Variants in URB1 observed in about 807,000 individuals in gnomAD.
The protein encoded by URB1 is nucleolar pre-ribosomal-associated protein 1.
URB1 carries 197 observed loss-of-function variants against 242.3 expected under a neutral mutation model. That is an observed-to-expected ratio of 0.81 (90% CI 0.72 to 0.91). URB1 has a LOEUF of 0.91. Ranked by LOEUF, URB1 falls within the 40% of genes least tolerant of loss-of-function variation. The pLI is 0.00. For missense variants in URB1, 2,721 were observed against 2,860.5 expected (o/e 0.95, Z 1.11); for synonymous variants, 1,153 against 1,201.8 (o/e 0.96, Z 0.84).
At chr21:32,340,571 C>A (rs2033018640) in intron 25 of URB1, among the ~76,000 whole-genome samples, 1 of 152,174 alleles carries the variant, frequency 6.6e-6, no homozygotes, top group Admixed American at 6.5e-5. Flanking sequence ...CGAGATCACA[C>A]CATTGTACTC....
At chr21:32,384,886 C>G (rs961316622) in intron 2 of URB1, among the ~76,000 whole-genome samples, 1 of 152,136 alleles carries the variant, frequency 6.6e-6, no homozygotes, top group Non-Finnish European at 1.5e-5. Context: ...GAGGCTGAGG[C>G]AGGAGAATGG....
chr21:32,354,726 C>T, intron 17 of URB1, 133 bp downstream of exon 17: 3 of 1,179,502 alleles, frequency 2.5e-6, no homozygotes, highest in South Asian at 1.9e-5. Flanking sequence ...CCAGAACAGG[C>T]TGGTCTTTGC....
At position 32,347,446 on chromosome 21, in the gene URB1, G is replaced by A; in HGVS notation, c.3378C>T (p.Ala1126=). 6.4e-7 allele frequency: 1 copy of A among 1,551,134 alleles called. No homozygotes were observed. Among genetic ancestry groups the A allele is most frequent in the South Asian group, 1.2e-5 (1 of 84,004 alleles). Residue 1126 remains alanine, a synonymous_variant, in exon 22 of 39, where the codon GCC becomes GCT. Coordinates refer to ENST00000382751, the MANE Select transcript of URB1 (RefSeq NM_014825.3). ...EGAQLREVTL[A]LLSLPETHLV... ...GGTGTGTCTCAGGCAGGCTCAGCAAGGCCAGGGTGACCTCACGGAGCTGGG... is the reference window on the plus strand; with the variant it reads ...GGTGTGTCTCAGGCAGGCTCAGCAAAGCCAGGGTGACCTCACGGAGCTGGG...
intron 4 of URB1, among the ~76,000 whole-genome samples, 200 bp downstream of exon 4, chr21:32,383,222 C>A (rs575607366): frequency 3.9e-5 from 6 of 152,242 alleles, no homozygotes; most frequent in Non-Finnish European, 8.8e-5. Context: ...CAGGCTCTGC[C>A]AGGTTCTGGC....
intron 30 of URB1, among the ~76,000 whole-genome samples, chr21:32,332,671 A>C (rs2032910691): frequency 6.6e-6 from 1 of 152,022 alleles, no homozygotes; most frequent in African/African-American, 2.4e-5. Flanking sequence ...TTCACCAAAG[A>C]GGATGTGCAG....
chr21:32,320,942 C>T (rs1223639152), intron 34 of URB1, among the ~76,000 whole-genome samples: 2 of 152,188 alleles, frequency 1.3e-5, no homozygotes, highest in African/African-American at 2.4e-5. Flanking sequence ...GGCCCAGATG[C>T]GCAGCCACCG....
chr21:32,367,685 C>T (rs940577112), intron 9 of URB1, among the ~76,000 whole-genome samples: 1 of 152,252 alleles, frequency 6.6e-6, no homozygotes, highest in Admixed American at 6.5e-5. Context: ...CAACGTTCCA[C>T]AGCTTATTTC....
chr21:32,318,437 T>C (rs1320415991), intron 36 of URB1, among the ~76,000 whole-genome samples: 1 of 152,228 alleles, frequency 6.6e-6, no homozygotes, highest in African/African-American at 2.4e-5. Context: ...GTATTTTAAA[T>C]AGCAACTGGT....
chr21:32,334,030 T>C (rs747149574), intron 29 of URB1, 133 bp downstream of exon 29: 12 of 1,191,758 alleles, frequency 1.0e-5, no homozygotes, highest in South Asian at 1.6e-5. Context: ...GTCTGGTCTC[T>C]ATACCTTTAT....
At chr21:32,338,524 C>A (rs554822854) in intron 26 of URB1, among the ~76,000 whole-genome samples, 183 bp downstream of exon 26, 329 of 152,246 alleles carry the variant, frequency 2.2e-3, no homozygotes, top group Non-Finnish European at 4.1e-3. Context: ...TGCTGTTTGA[C>A]CACAAGTCAG....
At chr21:32,317,600 G>A (rs2032707280) in intron 37 of URB1, 76 bp downstream of exon 37, 3 of 1,498,440 alleles carry the variant, frequency 2.0e-6, no homozygotes, top group Non-Finnish European at 2.7e-6. Context: ...CTGAGAGACA[G>A]AGAGAGAGGG....
chr21:32,351,018 C>A, intron 19 of URB1, 96 bp from the exon 20 acceptor site: 1 of 1,219,054 alleles, frequency 8.2e-7, no homozygotes, highest in South Asian at 1.4e-5. Context: ...ACGGACATTT[C>A]ACAAAGAAGC....
chr21:32,372,065 T>C (rs2123611308), intron 8 of URB1, among the ~76,000 whole-genome samples: 1 of 152,328 alleles, frequency 6.6e-6, no homozygotes, highest in East Asian at 1.9e-4. Context: ...TGGATTCCAG[T>C]GCAACCTCTG....
rs145594653 is a variant in URB1, at chr21:32,356,491, T to C, written c.1990-926A>G. Among the ~76,000 whole-genome samples, 69 of 152,244 alleles carry C rather than the reference T, an allele frequency of 4.5e-4. No homozygotes were observed. In the East Asian group the frequency reaches 0.013, roughly 28 times the overall value. On this transcript the variant is annotated intron_variant, in intron 15 of 38. Coordinates refer to ENST00000382751, the MANE Select transcript of URB1 (RefSeq NM_014825.3). The stretch of plus-strand genomic sequence containing the variant: ...GAAGGGAAAAAATTTGGCTGCTACT[T>C]AGGAGCCAAAGACCTCTGGATTTTC...
intron 38 of URB1, among the ~76,000 whole-genome samples, chr21:32,316,178 G>T: frequency 6.6e-6 from 1 of 152,006 alleles, no homozygotes; most frequent in Admixed American, 6.5e-5. Context: ...CATTGCCTGC[G>T]GGGTGGAGGG....
intron 30 of URB1, among the ~76,000 whole-genome samples, chr21:32,328,599 T>C (rs1050359996): frequency 2.0e-5 from 3 of 152,144 alleles, no homozygotes; most frequent in East Asian, 3.9e-4. Context: ...TATAGGTAAA[T>C]GGAATACATT....
In URB1 at chr21:32,341,528, T is replaced by C; in HGVS notation, c.4258-4A>G. The C allele has an allele frequency of 6.4e-7, 1 of 1,551,184 alleles. No individual in the cohort carries two copies. ...GATCAACTTCATTAAGTGCATGCTA[T>C]GAATAAAATAAGTAAGAAAAACACA... On this transcript the variant is annotated splice_region_variant and splice_polypyrimidine_tract_variant and intron_variant, in intron 24 of 38. Coordinates refer to ENST00000382751, the MANE Select transcript of URB1 (RefSeq NM_014825.3).
intron 9 of URB1, 134 bp from the exon 10 acceptor site, chr21:32,366,889 C>G: frequency 2.1e-6 from 2 of 970,506 alleles, no homozygotes; most frequent in Admixed American, 2.8e-5. Context: ...CCCCACAAGG[C>G]AGAGTGGAAG....
Position 32,314,002 on chromosome 21 carries a change from T to G in URB1, c.*916A>C, listed in dbSNP as rs934070514. Reference sequence around the variant, plus strand: ...CATTTATAAAATTCAAAATCCCCTCTTTGAAGTATAGCTTTAAAAATTACA... The same window carrying G: ...CATTTATAAAATTCAAAATCCCCTCGTTGAAGTATAGCTTTAAAAATTACA... On this transcript the variant is annotated 3_prime_UTR_variant, in exon 39 of 39. Coordinates refer to ENST00000382751, the MANE Select transcript of URB1 (RefSeq NM_014825.3). The G allele has an allele frequency of 6.5e-6, 1 of 153,382 alleles. No individual in the cohort carries two copies. 9.5% of individuals were successfully genotyped at this position (153,382 alleles called of 1,614,324 possible). A position where few individuals can be genotyped will look rare whatever the true frequency, so the allele number is the denominator to read the frequency against.
Sources: allele counts gnomAD v4.1 joint callset (sites outside exome capture counted in the v4.1 genomes callset), GRCh38; gene constraint gnomAD v4.1.1; transcripts MANE v1.5; gene names NCBI Gene and HGNC (gene_info 2026-07-23, HGNC 2026-07-21).